USP34: variants seen among roughly 807,000 people sequenced by gnomAD.
The protein encoded by USP34 is ubiquitin carboxyl-terminal hydrolase 34.
In USP34, 70 loss-of-function variants were observed where a neutral mutation model predicts 460.3. The observed-to-expected ratio is 0.15, with a 90% confidence interval of 0.13 to 0.19. The LOEUF (loss-of-function observed/expected upper bound fraction) is 0.19. USP34 is among the 10% of genes least tolerant of loss of function. The pLI is 1.00. For missense variants in USP34, 3,985 were observed against 4,236.2 expected (o/e 0.94, Z 1.65); for synonymous variants, 1,647 against 1,405.3 (o/e 1.17, Z -3.85).
In USP34 at chr2:61,301,385, G is replaced by C; in HGVS notation, c.3887C>G (p.Ala1296Gly). The change falls in exon 28 of 80, where the codon GCA becomes GGA. Residue 1296 changes from alanine (A) to glycine (G), a missense_variant. Coordinates refer to ENST00000398571, the MANE Select transcript of USP34 (RefSeq NM_014709.4). ...ATCCTTAAAACCAAGCTCATGAAGT[G>C]CTTTTTCATCATAATCTGTTGTTAA... ...HELTTDYDEK[A>G]LHELGFKDMQ... 3 of 1,613,842 alleles carry C rather than the reference G, an allele frequency of 1.9e-6. No individual in the cohort carries two copies. Among genetic ancestry groups the C allele is most frequent in the East Asian group, 2.2e-5 (1 of 44,852 alleles).
chr2:61,229,667 A>G, intron 58 of USP34, 34 bp from the exon 59 acceptor site: 1 of 1,547,088 alleles, frequency 6.5e-7, no homozygotes, highest in Non-Finnish European at 8.8e-7. Flanking sequence ...ACAAGAGCCA[A>G]CTCATCAGGT....
intron 3 of USP34, among the ~76,000 whole-genome samples, chr2:61,398,151 C>T (rs1319807578): frequency 6.6e-6 from 1 of 152,006 alleles, no homozygotes; most frequent in South Asian, 2.1e-4. Context: ...ACTGCTTGAA[C>T]CCAGGAGTTC....
At chr2:61,216,943 T>C (rs1306979242) in intron 67 of USP34, among the ~76,000 whole-genome samples, 1 of 151,512 alleles carries the variant, frequency 6.6e-6, no homozygotes, top group East Asian at 1.9e-4. Flanking sequence ...AAAAAAGTCA[T>C]TTGGTGTGAG....
chr2:61,201,211 G>GTTT (rs59199472), intron 75 of USP34, among the ~76,000 whole-genome samples: 84 of 101,362 alleles, frequency 8.3e-4, no homozygotes, highest in African/African-American at 1.2e-3. Flanking sequence ...CTCATAGAAA[G>GTTT]TTTTTTTTTT....
Position 61,295,173 on chromosome 2 carries a change from A to T in USP34, c.4372T>A (p.Ser1458Thr), listed in dbSNP as rs1477904583. The change falls in exon 31 of 80, where the codon TCT becomes ACT. Residue 1458 changes from serine (S) to threonine (T), a missense_variant. This residue lies in a region of USP34 where 1,114 missense variants were observed against 1,122.5 expected (regional missense o/e 0.99). Transcript: ENST00000398571. ...GKPNRRIRRE[S>T]TGSYSDLYPD... is the part of the protein sequence containing the mutation. Reference sequence around the variant, plus strand: ...AATAATGGAAATGCAATTACCGTAGACTCCCTCCTTATTCTTCTATTAGGT... The same window carrying T: ...AATAATGGAAATGCAATTACCGTAGTCTCCCTCCTTATTCTTCTATTAGGT... 3 of 1,609,062 alleles carry T rather than the reference A, an allele frequency of 1.9e-6. No homozygotes were observed. The highest frequency in any genetic ancestry group is 2.7e-5 in the African/African-American group (2 of 74,588).
intron 1 of USP34, among the ~76,000 whole-genome samples, chr2:61,423,376 T>C (rs945480769): frequency 2.0e-5 from 3 of 152,078 alleles, no homozygotes; most frequent in African/African-American, 7.2e-5. Flanking sequence ...CCTCCCAAAG[T>C]GCTGGGATTA....
intron 35 of USP34, 26 bp from the exon 36 acceptor site, chr2:61,283,475 C>T (rs758007969): frequency 2.2e-5 from 35 of 1,598,434 alleles, no homozygotes; most frequent in Non-Finnish European, 2.7e-5. Context: ...ACCACCACCA[C>T]CAATTAAATT....
intron 47 of USP34, 104 bp from the exon 48 acceptor site, chr2:61,256,582 T>G: frequency 1.1e-6 from 1 of 896,416 alleles, no homozygotes; most frequent in Non-Finnish European, 1.6e-6. Context: ...GCAAAAAAAT[T>G]TTTTTTTTAA....
At chr2:61,446,067 T>C (rs929767155) in intron 1 of USP34, among the ~76,000 whole-genome samples, 32 of 147,482 alleles carry the variant, frequency 2.2e-4, no homozygotes, top group African/African-American at 7.8e-4. Context: ...TGAGCCAGGA[T>C]TGCACCACTG....
chr2:61,319,047 A>G (rs992380050), intron 22 of USP34, 126 bp downstream of exon 22: 63 of 936,182 alleles, frequency 6.7e-5, no homozygotes, highest in Non-Finnish European at 9.4e-5. Context: ...TAGGACTGCT[A>G]AAATTCATTA....
Position 61,380,170 on chromosome 2 carries a change from G to A in USP34, c.1013C>T (p.Thr338Ile), listed in dbSNP as rs753216618. 1 of 1,611,560 alleles carries A rather than the reference G, an allele frequency of 6.2e-7. No homozygotes were observed. Among genetic ancestry groups the A allele is most frequent in the Non-Finnish European group, 8.5e-7 (1 of 1,178,338 alleles). The change falls in exon 7 of 80, where the codon ACA (threonine) becomes ATA (isoleucine). Residue 338 changes from threonine to isoleucine, a missense_variant and splice_region_variant. Around this residue, in one of 14 missense-constraint regions of USP34, gnomAD observed 70 missense variants for 109.5 expected, o/e 0.64. Coordinates refer to ENST00000398571, the MANE Select transcript of USP34 (RefSeq NM_014709.4). ...AAAAATAAAACAAATACAGCTTACT[G>A]TTATCTGACTCAATCCAGCCAACCT... ...TMRLAGLSQI[T>I]NQLHTFNDVC...
intron 37 of USP34, among the ~76,000 whole-genome samples, chr2:61,282,885 CTTTT>C (rs970455562): frequency 2.0e-5 from 3 of 151,724 alleles, no homozygotes; most frequent in Non-Finnish European, 2.9e-5. Context: ...CCTGGAAAAA[CTTTT>C]TTTTATTAAT....
chr2:61,417,719 C>CTTTTTTTTTTTTTT (rs201901250), intron 2 of USP34, among the ~76,000 whole-genome samples: 3 of 130,772 alleles, frequency 2.3e-5, no homozygotes, highest in Non-Finnish European at 3.2e-5. Context: ...ATACTAAAAT[C>CTTTTTTTTTTTTTT]TTTTTTTTTT....
intron 75 of USP34, among the ~76,000 whole-genome samples, chr2:61,199,015 T>C (rs1481398066): frequency 6.6e-6 from 1 of 152,214 alleles, no homozygotes; most frequent in Non-Finnish European, 1.5e-5. Flanking sequence ...TTGGTATATA[T>C]TGGCAGTGTT....
At chr2:61,198,805 G>A (rs1390718862) in intron 75 of USP34, among the ~76,000 whole-genome samples, 2 of 152,142 alleles carry the variant, frequency 1.3e-5, no homozygotes, top group Non-Finnish European at 2.9e-5. Context: ...GGAGGTGGAG[G>A]ATGCAGTGAG....
chr2:61,464,427 C>A (rs548689561), intron 1 of USP34, among the ~76,000 whole-genome samples: 3 of 152,204 alleles, frequency 2.0e-5, no homozygotes, highest in Non-Finnish European at 2.9e-5. Context: ...GACAGGTGAT[C>A]TTGGCAAACT....
intron 1 of USP34, among the ~76,000 whole-genome samples, chr2:61,446,341 A>T (rs949341187): frequency 6.6e-6 from 1 of 152,160 alleles, no homozygotes; most frequent in African/African-American, 2.4e-5. Context: ...GTATATGAAG[A>T]TCCATCCTGA....
rs1158481243 is a variant in USP34, at chr2:61,208,934, C to G, written c.8884G>C (p.Val2962Leu). 2 of 1,595,902 alleles carry G rather than the reference C, an allele frequency of 1.3e-6. No homozygotes were observed. Among genetic ancestry groups the G allele is most frequent in the Non-Finnish European group, 1.7e-6 (2 of 1,171,532 alleles). Residue 2962 changes from valine (V) to leucine (L), a missense_variant, in exon 70 of 80, where the codon GTT becomes CTT. Val to Leu is a conservative substitution (Grantham distance 32). Coordinates refer to ENST00000398571, the MANE Select transcript of USP34 (RefSeq NM_014709.4). ...AGAATCAATCCTCGATTAAATACAA[C>G]AAGAAGTCTGTCTTCATCAGATTCT... ...LLESDEDRLL[V>L]VFNRGLILMT...
rs115923804 is a variant in USP34 at position 61,402,573 on chromosome 2, T to C, written c.552+3135A>G. Among the ~76,000 whole-genome samples, 900 of 152,306 alleles carry C rather than the reference T, an allele frequency of 5.9e-3. 9 individuals carry two copies. The highest frequency in any genetic ancestry group is 0.021 in the African/African-American group (860 of 41,564). On this transcript the variant is annotated intron_variant, in intron 3 of 79. Coordinates refer to ENST00000398571, the MANE Select transcript of USP34 (RefSeq NM_014709.4). ...CTCTGTAGGCCAGTTGCTTCTTCTA[T>C]AAAATAAAAGTGTTGAGTAGGTTTC...
Sources: gnomAD v4.1 joint callset for allele counts (sites outside exome capture counted in the v4.1 genomes callset) on GRCh38, gnomAD v4.1.1 for gene constraint, gnomAD v4.1.1 regional missense constraint, MANE v1.5 for transcripts, NCBI Gene and HGNC (gene_info 2026-07-23, HGNC 2026-07-21) for gene names.